The following EYS variants were observed in gnomAD, a reference collection of about 807,000 sequenced individuals.
EYS encodes protein eyes shut homolog.
In EYS, 250 loss-of-function variants were observed where a neutral mutation model predicts 282.1. The observed-to-expected ratio is 0.89, with a 90% confidence interval of 0.80 to 0.98. The LOEUF is 0.98. EYS is among the 50% of genes least tolerant of loss of function. The probability of loss-of-function intolerance (pLI) is 0.00; values close to 1 mark genes in which losing one functional copy is unlikely to be tolerated. For synonymous variants in EYS, 1,355 were observed against 1,282.9 expected (o/e 1.06, Z -1.20); for missense variants, 4,016 against 3,709.0 (o/e 1.08, Z -2.15).
At chr6:64,112,890 G>C (rs1200009866) in intron 31 of EYS, among the ~76,000 whole-genome samples, 1 of 151,456 alleles carries the variant, frequency 6.6e-6, no homozygotes, top group African/African-American at 2.4e-5. Context: ...GAGGTCCCAG[G>C]GGGAGTTGCA....
intron 30 of EYS, among the ~76,000 whole-genome samples, chr6:64,240,725 T>G (rs1406966807): frequency 6.6e-6 from 1 of 152,162 alleles, no homozygotes; most frequent in Admixed American, 6.5e-5. Flanking sequence ...CCTCTTTTCC[T>G]GATTGAATAC....
intron 40 of EYS, chr6:63,777,763 C>A: frequency 2.5e-6 from 1 of 402,776 alleles, no homozygotes; most frequent in Non-Finnish European, 4.5e-6. Flanking sequence ...TTCATGGTGC[C>A]TGGAATGAGA....
chr6:64,569,564 AC>A (rs762089346), intron 26 of EYS, among the ~76,000 whole-genome samples: 16 of 151,904 alleles, frequency 1.1e-4, no homozygotes, highest in Non-Finnish European at 1.6e-4. Flanking sequence ...ACACGGTGAA[AC>A]CCCGTCTCCA....
intron 19 of EYS, among the ~76,000 whole-genome samples, chr6:64,835,481 T>TAA (rs5876926): frequency 6.6e-6 from 1 of 151,042 alleles, no homozygotes; most frequent in African/African-American, 2.4e-5. Context: ...GCTGAGAATT[T>TAA]AAAAAAAACT....
rs527249369 is a variant in EYS at position 64,176,824 on chromosome 6, T to C, written c.6424+53768A>G. Among the ~76,000 whole-genome samples, 3 of 152,216 alleles carry C rather than the reference T, an allele frequency of 2.0e-5. No individual in the cohort carries two copies. The East Asian group carries it at 5.8e-4, about 29-fold the overall frequency. On this transcript the variant is annotated intron_variant, in intron 31 of 42. Transcript: ENST00000503581. ...TGAGGTTCTCTGTTATGTCTTCATA[T>C]ATAAAGAAATTTAAACTTTAAGGAC...
At chr6:65,160,702 T>C (rs1275381449) in intron 12 of EYS, among the ~76,000 whole-genome samples, 1 of 150,980 alleles carries the variant, frequency 6.6e-6, no homozygotes, top group Non-Finnish European at 1.5e-5. Flanking sequence ...GAATAAATTT[T>C]TTATTTTCCC....
intron 33 of EYS, among the ~76,000 whole-genome samples, chr6:64,040,421 C>A (rs1770334335): frequency 6.6e-6 from 1 of 152,094 alleles, no homozygotes; most frequent in Admixed American, 6.6e-5. Flanking sequence ...TGAAAATAAT[C>A]AATCTTGTGA....
chr6:64,006,009 G>A (rs907333943), intron 33 of EYS, among the ~76,000 whole-genome samples: 3 of 152,152 alleles, frequency 2.0e-5, no homozygotes, highest in Non-Finnish European at 1.5e-5. Context: ...TGTGAAGAAT[G>A]TCATTTGTAG....
intron 12 of EYS, among the ~76,000 whole-genome samples, chr6:65,282,600 T>C (rs1252762929): frequency 6.6e-6 from 1 of 152,008 alleles, no homozygotes; most frequent in Non-Finnish European, 1.5e-5. Context: ...TTGGAAAATA[T>C]AGCCAATTTT....
intron 2 of EYS, among the ~76,000 whole-genome samples, chr6:65,619,120 T>C (rs964611894): frequency 9.2e-5 from 14 of 151,910 alleles, no homozygotes; most frequent in South Asian, 4.2e-4. Flanking sequence ...TGGGATGGCA[T>C]TGAATCTGCA....
At chr6:64,941,632 C>T (rs994642732) in intron 15 of EYS, among the ~76,000 whole-genome samples, 22 of 151,984 alleles carry the variant, frequency 1.4e-4, no homozygotes, top group Non-Finnish European at 2.6e-4. Context: ...TCTAGAATTC[C>T]CCAGTGTTTA....
At chr6:64,468,260 C>T (rs946039199) in intron 26 of EYS, among the ~76,000 whole-genome samples, 1 of 152,158 alleles carries the variant, frequency 6.6e-6, no homozygotes, top group Non-Finnish European at 1.5e-5. Context: ...GAACTGACAC[C>T]GCTGCCACTG....
chr6:64,454,629 G>T (rs981868371), intron 26 of EYS, among the ~76,000 whole-genome samples: 1 of 151,920 alleles, frequency 6.6e-6, no homozygotes, highest in Non-Finnish European at 1.5e-5. Context: ...ATGTATACTT[G>T]TGGTATAATA....
chr6:63,943,880 A>C (rs6941864), intron 35 of EYS, among the ~76,000 whole-genome samples: 60,794 of 152,024 alleles, frequency 0.4, 13,107 homozygotes, highest in African/African-American at 0.57. Context: ...TATACCTGTT[A>C]ATAATAATAT....
chr6:64,503,105 T>C (rs1238594323), intron 26 of EYS, among the ~76,000 whole-genome samples: 4 of 152,248 alleles, frequency 2.6e-5, no homozygotes, highest in Admixed American at 2.0e-4. Context: ...AGACACAACA[T>C]ACACATTCTC....
chr6:64,945,343 T>G (rs561747978), intron 15 of EYS, among the ~76,000 whole-genome samples: 1 of 152,000 alleles, frequency 6.6e-6, no homozygotes, highest in Non-Finnish European at 1.5e-5. Flanking sequence ...TTATGGAATA[T>G]GTGGAAAATT....
At chr6:64,840,290 AATTTGTAAC>A (rs1765523772) in intron 19 of EYS, among the ~76,000 whole-genome samples, 1 of 152,112 alleles carries the variant, frequency 6.6e-6, no homozygotes, top group African/African-American at 2.4e-5. Context: ...CTGGTGCCTC[AATTTGTAAC>A]ATGTGCAATA....
Position 63,798,973 on chromosome 6 carries a change from ATATGTATATGTGTG to A in EYS, c.7411+7203_7411+7216del, listed in dbSNP as rs1348925956. ...TATATATGTATATGTGTATATATAT[ATATGTATATGTGTG>A]TATATATATATATATATATATATAT... On this transcript the variant is annotated intron_variant, in intron 37 of 42. Coordinates refer to ENST00000503581, the MANE Select transcript of EYS (RefSeq NM_001142800.2). Among the ~76,000 whole-genome samples, 282 of 117,738 alleles carry A rather than the reference ATATGTATATGTGTG, an allele frequency of 2.4e-3. 2 individuals are homozygous for A. The highest frequency in any genetic ancestry group is 4.9e-3 in the African/African-American group (134 of 27,510). The allele number at this position is 117,738 out of a possible 152,430, so 77.2% of individuals were successfully genotyped here. A position where few individuals can be genotyped will look rare whatever the true frequency, so the allele number is the denominator to read the frequency against.
chr6:65,076,576 C>A (rs370293841), intron 12 of EYS, among the ~76,000 whole-genome samples: 5 of 151,822 alleles, frequency 3.3e-5, no homozygotes, highest in African/African-American at 1.2e-4. Context: ...TAGAAAGCAA[C>A]AAAATTATGA....
Sources: gnomAD v4.1 joint callset for allele counts (sites outside exome capture counted in the v4.1 genomes callset) on GRCh38, gnomAD v4.1.1 for gene constraint, MANE v1.5 for transcripts, NCBI Gene and HGNC (gene_info 2026-07-23, HGNC 2026-07-21) for gene names.